Variants in JMJD1C observed in about 807,000 individuals in gnomAD.
JMJD1C encodes the protein jumonji domain-containing protein 1C.
A neutral mutation model predicts 245.3 loss-of-function variants in JMJD1C; 31 were observed. The ratio of observed to expected loss-of-function variants is 0.13; its 90% CI spans 0.09 to 0.17. The LOEUF (loss-of-function observed/expected upper bound fraction) is 0.17. JMJD1C is among the 10% of genes least tolerant of loss of function. JMJD1C has a pLI of 1.00. For missense variants in JMJD1C, 2,691 were observed against 3,000.2 expected (o/e 0.90, Z 2.41); for synonymous variants, 1,057 against 1,017.4 (o/e 1.04, Z -0.74).
At chr10:63,361,734 A>AG (rs1945355943) in intron 2 of JMJD1C, among the ~76,000 whole-genome samples, 1 of 139,960 alleles carries the variant, frequency 7.1e-6, no homozygotes, top group East Asian at 2.1e-4. Context: ...AAAAAAAAAA[A>AG]AAAAAAAAAA....
rs60227922 is a variant in JMJD1C at position 63,209,240 on chromosome 10, TAACAA to T, written c.2695-10_2695-6del. The T allele has an allele frequency of 6.3e-7, 1 of 1,588,554 alleles. No individual in the cohort carries two copies. Among genetic ancestry groups the T allele is most frequent in the Non-Finnish European group, 8.5e-7 (1 of 1,169,764 alleles). On this transcript the variant is annotated splice_region_variant and splice_polypyrimidine_tract_variant and intron_variant, in intron 8 of 25. Coordinates refer to ENST00000399262, the MANE Select transcript of JMJD1C (RefSeq NM_032776.3). Reference sequence around the variant, plus strand: ...TAGCCAAGGACTGGGAGAATTCTATTAACAAAACAAAACAAAAAAAACACCTAGAT... The same window carrying T: ...TAGCCAAGGACTGGGAGAATTCTATTAACAAAACAAAAAAAACACCTAGAT...
intron 1 of JMJD1C, among the ~76,000 whole-genome samples, chr10:63,443,272 A>G (rs1334165564): frequency 6.6e-6 from 1 of 152,168 alleles, no homozygotes; most frequent in Admixed American, 6.5e-5. Flanking sequence ...TCAGCTCTCC[A>G]AATCCCATCA....
chr10:63,180,147 ACAGGCACCCGCCAC>A, intron 22 of JMJD1C, among the ~76,000 whole-genome samples: 1 of 152,240 alleles, frequency 6.6e-6, no homozygotes, highest in East Asian at 1.9e-4. Flanking sequence ...AGCTGGGACT[ACAGGCACCCGCCAC>A]CATGCCCAGC....
In JMJD1C at chr10:63,167,328, T is replaced by TA. The variant is rs1484065522; in HGVS notation, c.*716dup. On this transcript the variant is annotated 3_prime_UTR_variant, in exon 26 of 26. Transcript: ENST00000399262. ...CTTTAACAAAAGCAAGCCAATGTTT[T>TA]AAAAAAATACATCATTAAATGTATA... The TA allele has an allele frequency of 1.3e-5, 2 of 152,572 alleles. No homozygotes were observed. Among genetic ancestry groups the TA allele is most frequent in the African/African-American group, 2.4e-5 (1 of 41,460 alleles). 9.5% of individuals were successfully genotyped at this position (152,572 alleles called of 1,614,324 possible). A position where few individuals can be genotyped will look rare whatever the true frequency, so the allele number is the denominator to read the frequency against.
chr10:63,276,686 C>T (rs1856807337), intron 2 of JMJD1C, among the ~76,000 whole-genome samples: 1 of 152,072 alleles, frequency 6.6e-6, no homozygotes, highest in East Asian at 1.9e-4. Flanking sequence ...CCAGGGTGGT[C>T]TCCTGACCTC....
intron 1 of JMJD1C, among the ~76,000 whole-genome samples, chr10:63,412,635 T>G (rs1333305878): frequency 2.6e-5 from 4 of 152,198 alleles, no homozygotes; most frequent in Non-Finnish European, 5.9e-5. Flanking sequence ...TTATGTTTGT[T>G]TATATTTCTC....
At chr10:63,262,066 G>A (rs1314863944) in intron 3 of JMJD1C, among the ~76,000 whole-genome samples, 1 of 152,170 alleles carries the variant, frequency 6.6e-6, no homozygotes, top group Non-Finnish European at 1.5e-5. Context: ...TAAAAAGTGA[G>A]AAAGAAATAA....
At chr10:63,486,137 T>TAAAAAAAAAAAAAA (rs1166721473) in intron 1 of JMJD1C, among the ~76,000 whole-genome samples, 13 of 73,284 alleles carry the variant, frequency 1.8e-4, no homozygotes, top group African/African-American at 6.5e-4. Context: ...CAAGCAATTG[T>TAAAAAAAAAAAAAA]AAAAAAAAAA....
intron 10 of JMJD1C, chr10:63,203,059 C>T: frequency 1.0e-6 from 1 of 984,760 alleles, no homozygotes; most frequent in Non-Finnish European, 1.2e-6. Flanking sequence ...AATTATGTGA[C>T]ACAAAATAGG....
At chr10:63,400,693 G>A (rs900901719) in intron 1 of JMJD1C, among the ~76,000 whole-genome samples, 2 of 152,042 alleles carry the variant, frequency 1.3e-5, no homozygotes, top group African/African-American at 4.8e-5. Flanking sequence ...CTCCCGAGTA[G>A]CTGAGATTAC....
intron 1 of JMJD1C, among the ~76,000 whole-genome samples, chr10:63,403,925 G>C (rs1395442946): frequency 1.3e-5 from 2 of 152,084 alleles, no homozygotes; most frequent in African/African-American, 2.4e-5. Flanking sequence ...GATAGAGTGA[G>C]ACTCTTGTCT....
chr10:63,381,021 A>C (rs1234433682), intron 1 of JMJD1C, among the ~76,000 whole-genome samples: 1 of 152,260 alleles, frequency 6.6e-6, no homozygotes, highest in Non-Finnish European at 1.5e-5. Flanking sequence ...CAACCTAAGT[A>C]TCTGTCAACA....
At chr10:63,378,226 A>G (rs2134481814) in intron 2 of JMJD1C, among the ~76,000 whole-genome samples, 1 of 152,248 alleles carries the variant, frequency 6.6e-6, no homozygotes, top group Admixed American at 6.5e-5. Context: ...ATTTTCCAAT[A>G]AAAATTCTCT....
chr10:63,415,490 C>T (rs1949747391), intron 1 of JMJD1C, among the ~76,000 whole-genome samples: 1 of 152,062 alleles, frequency 6.6e-6, no homozygotes, highest in African/African-American at 2.4e-5. Context: ...CATGTGGATT[C>T]AGCAAAACTT....
At chr10:63,410,832 G>A (rs921044684) in intron 1 of JMJD1C, among the ~76,000 whole-genome samples, 2 of 152,118 alleles carry the variant, frequency 1.3e-5, no homozygotes, top group South Asian at 2.1e-4. Context: ...GATAAGAGCC[G>A]TATCTTCCAA....
Position 63,213,754 on chromosome 10 carries a change from T to C in JMJD1C, c.2413A>G (p.Thr805Ala). ...LLPTVLPGVP[T>A]ASLLGGHPRL... ...GGGTGGCCACCAAGTAAGGAGGCAG[T>C]AGGCACTCCAGGTAACACAGTGGGA... is the stretch of plus-strand genomic sequence containing the variant. The change falls in exon 8 of 26, where the codon ACT becomes GCT. Residue 805 changes from threonine (T) to alanine (A), a missense_variant. Around this residue, in one of 9 missense-constraint regions of JMJD1C, gnomAD observed 1,562 missense variants for 1,490.7 expected, o/e 1.05. Coordinates refer to ENST00000399262, the MANE Select transcript of JMJD1C (RefSeq NM_032776.3). The C allele has an allele frequency of 5.0e-6, 8 of 1,614,094 alleles. No individual in the cohort carries two copies. The highest frequency in any genetic ancestry group is 6.8e-6 in the Non-Finnish European group (8 of 1,180,000).
chr10:63,209,651 T>A (rs1847090033), intron 8 of JMJD1C, among the ~76,000 whole-genome samples: 1 of 152,116 alleles, frequency 6.6e-6, no homozygotes, highest in African/African-American at 2.4e-5. Context: ...CAAATTCATT[T>A]GTCAATTTTT....
At chr10:63,433,315 C>T (rs1226780374) in intron 1 of JMJD1C, among the ~76,000 whole-genome samples, 2 of 152,032 alleles carry the variant, frequency 1.3e-5, no homozygotes. Flanking sequence ...AGGCTGGTCT[C>T]GAACTCCTAA....
At chr10:63,390,946 C>T (rs1048536430) in intron 1 of JMJD1C, among the ~76,000 whole-genome samples, 1 of 152,122 alleles carries the variant, frequency 6.6e-6, no homozygotes, top group Admixed American at 6.6e-5. Context: ...AACAAAAAAG[C>T]CGCCACTCTC....
Sources: allele counts gnomAD v4.1 joint callset (sites outside exome capture counted in the v4.1 genomes callset), GRCh38; gene constraint gnomAD v4.1.1; regional missense constraint gnomAD v4.1.1; transcripts MANE v1.5; gene names NCBI Gene and HGNC (gene_info 2026-07-23, HGNC 2026-07-21).